The following TEDC2 variants were observed in gnomAD, a reference collection of about 807,000 sequenced individuals.
The protein encoded by TEDC2 is tubulin epsilon and delta complex 2, also known as tubulin epsilon and delta complex protein 2.
A neutral mutation model predicts 48.1 loss-of-function variants in TEDC2; 49 were observed. That is an observed-to-expected ratio of 1.02 (90% CI 0.81 to 1.29). The LOEUF (loss-of-function observed/expected upper bound fraction) is 1.29, where lower values mean the gene tolerates loss of function less well. TEDC2 is among the 50% of genes most tolerant of loss of function. The pLI, the probability that TEDC2 is intolerant of heterozygous loss-of-function variation, is 0.00. For synonymous variants in TEDC2, 299 were observed against 247.1 expected (o/e 1.21, Z -1.97); for missense variants, 631 against 571.4 (o/e 1.10, Z -1.06).
In TEDC2 at chr16:2,462,425, C is replaced by G; in HGVS notation, c.761C>G (p.Pro254Arg). Reference sequence around the variant, plus strand: ...CTGACCCATATCCAGTCAGGCGGGCCCCAGCCCAGGCTCAGTGCTGTGGAG... The same window carrying G: ...CTGACCCATATCCAGTCAGGCGGGCGCCAGCCCAGGCTCAGTGCTGTGGAG... ...LQNMQTASGGPQPRLSAVEVE... is the reference protein window; with the variant it reads ...LQNMQTASGGRQPRLSAVEVE... Residue 254 changes from proline to arginine, a missense_variant, in exon 7 of 10, where the codon CCC (proline) becomes CGC (arginine). Coordinates refer to ENST00000361837, the MANE Select transcript of TEDC2 (RefSeq NM_025108.3). 6.2e-7 allele frequency: 1 copy of G among 1,612,078 alleles called. No individual in the cohort carries two copies. The highest frequency in any genetic ancestry group is 8.5e-7 in the Non-Finnish European group (1 of 1,179,812).
chr16:2,461,596 G>A, intron 4 of TEDC2, 151 bp from the exon 5 acceptor site: 1 of 893,046 alleles, frequency 1.1e-6, no homozygotes, highest in Non-Finnish European at 1.7e-6. Context: ...TGGCCACTCT[G>A]GAAGCCCTAT....
rs745651098 is a variant in TEDC2 at position 2,464,213 on chromosome 16, A to T, written c.1139A>T (p.Gln380Leu). The T allele has an allele frequency of 6.2e-7, 1 of 1,612,014 alleles. No individual in the cohort carries two copies. Among genetic ancestry groups the T allele is most frequent in the South Asian group, 1.1e-5 (1 of 90,898 alleles). Residue 380 changes from glutamine (Q) to leucine (L), a missense_variant, in exon 9 of 10, where the codon CAG (glutamine) becomes CTG (leucine). Coordinates refer to ENST00000361837, the MANE Select transcript of TEDC2 (RefSeq NM_025108.3). ...CTGCGAGTGGCTGTGCTGGACCAGC[A>T]GATCCACTTGGAAAAGGTGCTTCTG... The part of the protein sequence containing the change: ...LKLRVAVLDQ[Q>L]IHLEKVLMAE...
At position 2,462,521 on chromosome 16, in the gene TEDC2, C is replaced by G; in HGVS notation, c.857C>G (p.Ser286Trp). The G allele has an allele frequency of 6.3e-7, 1 of 1,599,574 alleles. No individual in the cohort carries two copies. Among genetic ancestry groups the G allele is most frequent in the Non-Finnish European group, 8.5e-7 (1 of 1,173,454 alleles). ...LLRLRMREELSAAPMDWMQEY... is the reference protein window; with the variant it reads ...LLRLRMREELWAAPMDWMQEY... ...AGACTGCGCATGAGGGAGGAGCTCT[C>G]GGCAGGTCAGTGGGTCCTGGGTCTG... Residue 286 changes from serine to tryptophan, a missense_variant, in exon 7 of 10, where the codon TCG becomes TGG. By Grantham distance (177) the Ser-to-Trp change is radical (BLOSUM62 -3). Transcript: ENST00000361837.
rs529083232 is a variant in TEDC2 at position 2,460,802 on chromosome 16, C to T, written c.197-14C>T. On this transcript the variant is annotated splice_polypyrimidine_tract_variant and intron_variant, in intron 3 of 9. Coordinates refer to ENST00000361837, the MANE Select transcript of TEDC2 (RefSeq NM_025108.3). ...AGTGGGGAGAGATCCCTGCATAATT[C>T]TTGGCTTTCACAGCATGCACACCCA... 1 of 1,610,514 alleles carries T rather than the reference C, an allele frequency of 6.2e-7. No homozygotes were observed. The highest frequency in any genetic ancestry group is 8.5e-7 in the Non-Finnish European group (1 of 1,178,204).
intron 9 of TEDC2, 50 bp from the exon 10 acceptor site, chr16:2,464,472 C>T (rs575258535): frequency 2.0e-6 from 3 of 1,507,166 alleles, no homozygotes; most frequent in Admixed American, 2.1e-5. Context: ...CAGGATTGCC[C>T]CCCGCCTAGG....
At position 2,462,233 on chromosome 16, in the gene TEDC2, G is replaced by C. The variant is rs2065471323; in HGVS notation, c.744G>C (p.Gln248His). The change falls in exon 6 of 10, where the codon CAG becomes CAC. Residue 248 changes from glutamine to histidine, a missense_variant. Gln to His is a conservative substitution (Grantham distance 24). Transcript: ENST00000361837. ...AAKTQFLQNM[Q>H]TASGGPQPRL... ...AAACCCAGTTCCTCCAGAACATGCA[G>C]ACAGCTGTATCCTTGCTGGGCTTGT... 1 of 1,613,144 alleles carries C rather than the reference G, an allele frequency of 6.2e-7. No homozygotes were observed. Among genetic ancestry groups the C allele is most frequent in the African/African-American group, 1.3e-5 (1 of 74,954 alleles).
intron 5 of TEDC2, 88 bp downstream of exon 5, chr16:2,461,888 G>A (rs375764394): frequency 1.3e-6 from 2 of 1,497,742 alleles, no homozygotes; most frequent in Non-Finnish European, 1.9e-6. Context: ...ACTTTCCAGT[G>A]GGTCTCTTTG....
chr16:2,463,797 T>C (rs951973545), intron 8 of TEDC2, among the ~76,000 whole-genome samples: 1 of 152,160 alleles, frequency 6.6e-6, no homozygotes, highest in African/African-American at 2.4e-5. Context: ...AAAGACAATC[T>C]CATAAAAGTC....
chr16:2,462,695 G>C lies in TEDC2; in HGVS notation c.927G>C (p.Val309=), dbSNP rs1308743003. ...CGCTGGAGGGGCTGCAGGCCATGGT[G>C]GGCCAGTGTCTGCACAGGCTGCAGG... ...LLTLEGLQAM[V]GQCLHRLQEL... Residue 309 remains valine, a synonymous_variant, in exon 8 of 10, where the codon GTG becomes GTC. Coordinates refer to ENST00000361837, the MANE Select transcript of TEDC2 (RefSeq NM_025108.3). 1 of 1,545,238 alleles carries C rather than the reference G, an allele frequency of 6.5e-7. No individual in the cohort carries two copies. The highest frequency in any genetic ancestry group is 8.7e-7 in the Non-Finnish European group (1 of 1,146,880).
rs551559091 is a variant in TEDC2, at chr16:2,464,735, C to T, written c.*67C>T. ...GGGGTGTCTTCCCTGGCACTGTGCT[C>T]GGGGACCCAGAGATGCCTGTGCTTC... On this transcript the variant is annotated 3_prime_UTR_variant, in exon 10 of 10. Transcript: ENST00000361837. The T allele has an allele frequency of 1.6e-4, 250 of 1,590,992 alleles. 1 individual carries two copies. The highest frequency in any genetic ancestry group is 1.5e-3 in the Middle Eastern group (9 of 6,022).
chr16:2,461,857 G>C, intron 5 of TEDC2, 57 bp downstream of exon 5: 22 of 1,593,932 alleles, frequency 1.4e-5, no homozygotes, highest in Non-Finnish European at 1.8e-5. Context: ...GGCATCACCA[G>C]CTCGGGGACA....
chr16:2,460,709 C>T lies in TEDC2; in HGVS notation c.196+16C>T, dbSNP rs117764265. On this transcript the variant is annotated intron_variant, in intron 3 of 9. Transcript: ENST00000361837. ...CCCCTTCCAGGTAAACCTCCACCAC[C>T]CGCCTTCTCCAGGTGCTGCTCTGGC... 4 of 1,612,852 alleles carry T rather than the reference C, an allele frequency of 2.5e-6. No individual in the cohort carries two copies. Among genetic ancestry groups the T allele is most frequent in the East Asian group, 4.5e-5 (2 of 44,890 alleles).
At chr16:2,463,160 A>G (rs1335561389) in intron 8 of TEDC2, among the ~76,000 whole-genome samples, 1 of 151,630 alleles carries the variant, frequency 6.6e-6, no homozygotes, top group Non-Finnish European at 1.5e-5. Flanking sequence ...TCTCTACTAA[A>G]AATATAAAAA....
intron 6 of TEDC2, 71 bp from the exon 7 acceptor site, chr16:2,462,344 T>TC: frequency 6.3e-7 from 1 of 1,597,438 alleles, no homozygotes; most frequent in Non-Finnish European, 8.6e-7. Flanking sequence ...CCAGGGCCAC[T>TC]CCCCAGGCCC....
rs934889728 is a variant in TEDC2, at chr16:2,460,296, C to G, written c.40C>G (p.Leu14Val). ...TGCGTCCCCCAGGCTGGTGGCCGAGCTGCAGGGCGCCCTGGACGCCTGCGC... is the reference window on the plus strand; with the variant it reads ...TGCGTCCCCCAGGCTGGTGGCCGAGGTGCAGGGCGCCCTGGACGCCTGCGC... The part of the protein sequence containing the change: ...AGCSRRLVAE[L>V]QGALDACAQR... Residue 14 changes from leucine (L) to valine (V), a missense_variant, in exon 2 of 10, where the codon CTG becomes GTG. Leu to Val is a conservative substitution (Grantham distance 32). Transcript: ENST00000361837. 2 of 1,530,224 alleles carry G rather than the reference C, an allele frequency of 1.3e-6. No individual in the cohort carries two copies. Among genetic ancestry groups the G allele is most frequent in the East Asian group, 5.1e-5 (2 of 38,878 alleles). The allele number at this position is 1,530,224 out of a possible 1,614,324, so 94.8% of individuals were successfully genotyped here.
chr16:2,461,239 C>T lies in TEDC2; in HGVS notation c.605+15C>T, dbSNP rs1014566508. ...AAGGAGAAGGGGTAGGTTTCCCGGA[C>T]CCTCACTGGAGGGACTTCTGTCTCT... is the stretch of plus-strand genomic sequence containing the variant. On this transcript the variant is annotated intron_variant, in intron 4 of 9. Transcript: ENST00000361837. The T allele has an allele frequency of 2.6e-5, 37 of 1,449,534 alleles. No individual in the cohort carries two copies. The highest frequency in any genetic ancestry group is 3.3e-5 in the Non-Finnish European group (36 of 1,098,172). The allele number at this position is 1,449,534 out of a possible 1,614,324, so 89.8% of individuals were successfully genotyped here.
chr16:2,464,142 T>C lies in TEDC2; in HGVS notation c.1068T>C (p.Leu356=), dbSNP rs757077282. ...RAEPAWSPQL[L]VYSSTQELQT... ...AGCCTGCATGGAGCCCCCAGCTGCT[T>C]GTCTACTCCAGCACCCAGGAGCTGC... Residue 356 remains leucine, a synonymous_variant, in exon 9 of 10, where the codon CTT becomes CTC. Coordinates refer to ENST00000361837, the MANE Select transcript of TEDC2 (RefSeq NM_025108.3). 1 of 1,612,702 alleles carries C rather than the reference T, an allele frequency of 6.2e-7. No homozygotes were observed. Among genetic ancestry groups the C allele is most frequent in the Non-Finnish European group, 8.5e-7 (1 of 1,179,908 alleles).
chr16:2,462,066 C>T, intron 5 of TEDC2, 83 bp from the exon 6 acceptor site: 1 of 1,482,262 alleles, frequency 6.7e-7, no homozygotes, highest in Non-Finnish European at 9.3e-7. Context: ...CTGGCCCTTG[C>T]CTACCTCCCA....
intron 4 of TEDC2, chr16:2,461,520 A>T: frequency 1.6e-6 from 1 of 636,234 alleles, no homozygotes; most frequent in Non-Finnish European, 2.6e-6. Flanking sequence ...GGATCTGCTC[A>T]CAGGGCCCCG....
Sources: allele counts gnomAD v4.1 joint callset (sites outside exome capture counted in the v4.1 genomes callset), GRCh38; gene constraint gnomAD v4.1.1; transcripts MANE v1.5; gene names NCBI Gene and HGNC (gene_info 2026-07-23, HGNC 2026-07-21).